AFM: variants seen among roughly 807,000 people sequenced by gnomAD.
AFM encodes alpha-Alb.
AFM carries 82 observed loss-of-function variants against 68.7 expected under a neutral mutation model. That is an observed-to-expected ratio of 1.19 (90% CI 1.00 to 1.43). The LOEUF (loss-of-function observed/expected upper bound fraction) is 1.43, where lower values mean the gene tolerates loss of function less well. Ranked by LOEUF, AFM falls within the 40% of genes most tolerant of loss-of-function variation. The pLI is 0.00. For missense variants in AFM, 772 were observed against 701.8 expected (o/e 1.10, Z -1.13); for synonymous variants, 250 against 234.2 (o/e 1.07, Z -0.61).
chr4:73,495,424 C>T lies in AFM; in HGVS notation c.1183C>T (p.Arg395Cys), dbSNP rs1444442092. 5 of 1,609,704 alleles carry T rather than the reference C, an allele frequency of 3.1e-6. No individual in the cohort carries two copies. Among genetic ancestry groups the T allele is most frequent in the Middle Eastern group, 1.6e-4 (1 of 6,070 alleles). ...CNTENPPGCY[R>C]YAEDKFNETT... ...CACAGAAAACCCTCCAGGTTGTTAC[C>T]GTTACGCGGTAGGTTCCATTGTTGT... is the stretch of plus-strand genomic sequence containing the variant. The change falls in exon 9 of 15, where the codon CGT (arginine) becomes TGT (cysteine). Residue 395 changes from arginine to cysteine, a missense_variant. By Grantham distance (180) the Arg-to-Cys change is radical. Transcript: ENST00000226355.
chr4:73,503,780 A>G (rs1721478823), intron 14 of AFM, 96 bp from the exon 15 acceptor site: 1 of 152,146 alleles, frequency 6.6e-6, no homozygotes, highest in African/African-American at 2.4e-5. Context: ...AAACACGGTT[A>G]CCACTAATAG....
At chr4:73,486,497 G>T (rs1301949573) in intron 4 of AFM, among the ~76,000 whole-genome samples, 1 of 152,078 alleles carries the variant, frequency 6.6e-6, no homozygotes, top group Non-Finnish European at 1.5e-5. Context: ...CTGGAAGGTT[G>T]GTATGCTCCT....
intron 7 of AFM, 27 bp downstream of exon 7, chr4:73,488,786 A>G: frequency 6.3e-7 from 1 of 1,581,244 alleles, no homozygotes; most frequent in Non-Finnish European, 8.6e-7. Flanking sequence ...ACCAAGTTAA[A>G]ATAGTGATTT....
rs559777779 is a variant in AFM at position 73,490,663 on chromosome 4, G to A, written c.844-1209G>A. ...TATGTTTTATAATGTGAAATCTAAG[G>A]TACTGAATTAGGATATAATTATAGA... On this transcript the variant is annotated intron_variant, in intron 7 of 14. Coordinates refer to ENST00000226355, the MANE Select transcript of AFM (RefSeq NM_001133.2). Among the ~76,000 whole-genome samples the A allele has an allele frequency of 1.4e-3, 211 of 152,166 alleles. 2 individuals carry two copies. The highest frequency in any genetic ancestry group is 2.7e-3 in the Non-Finnish European group (182 of 68,004).
chr4:73,496,057 C>T (rs1721244573), intron 9 of AFM, among the ~76,000 whole-genome samples: 1 of 152,080 alleles, frequency 6.6e-6, no homozygotes, highest in Non-Finnish European at 1.5e-5. Flanking sequence ...ATAAATTGTG[C>T]TTCCTTGGTT....
chr4:73,482,247 C>T (rs1720735726), intron 1 of AFM, among the ~76,000 whole-genome samples: 1 of 152,214 alleles, frequency 6.6e-6, no homozygotes. Flanking sequence ...CAACATATTT[C>T]CCAACTATAT....
intron 11 of AFM, among the ~76,000 whole-genome samples, chr4:73,499,708 C>T (rs561567223): frequency 4.3e-4 from 65 of 152,092 alleles, no homozygotes; most frequent in Non-Finnish European, 5.9e-4. Flanking sequence ...TGTTTGATCG[C>T]CCCTTTCAGT....
Position 73,484,309 on chromosome 4 carries a change from G to T in AFM, c.189G>T (p.Met63Ile). 2 of 1,613,450 alleles carry T rather than the reference G, an allele frequency of 1.2e-6. No individual in the cohort carries two copies. The highest frequency in any genetic ancestry group is 8.5e-7 in the Non-Finnish European group (1 of 1,179,762). Residue 63 changes from methionine to isoleucine, a missense_variant, in exon 3 of 15, where the codon ATG (methionine) becomes ATT (isoleucine). Physicochemically the swap from Met to Ile is conservative, Grantham distance 10. Transcript: ENST00000226355. ...TTCAGGAAGCAACCTTTGAAGAAAT[G>T]GAAAAGCTGGTGAAAGACATGGTAG... The part of the protein sequence containing the change: ...QYVQEATFEE[M>I]EKLVKDMVEY...
intron 3 of AFM, 61 bp downstream of exon 3, chr4:73,484,451 T>TTTCC: frequency 3.0e-6 from 1 of 332,638 alleles, no homozygotes; most frequent in Non-Finnish European, 5.3e-6. Flanking sequence ...TCTTTCTTTC[T>TTTCC]TTCTTTCTTT....
At position 73,486,150 on chromosome 4, in the gene AFM, A is replaced by G. The variant is rs182367218; in HGVS notation, c.482+77A>G. On this transcript the variant is annotated intron_variant, in intron 4 of 14. Coordinates refer to ENST00000226355, the MANE Select transcript of AFM (RefSeq NM_001133.2). ...TGAATCTAATATCTATCTCAAATAAATATGGCTGGGTTCATTAATTTATTG... is the reference window on the plus strand; with the variant it reads ...TGAATCTAATATCTATCTCAAATAAGTATGGCTGGGTTCATTAATTTATTG... 213 of 1,196,554 alleles carry G rather than the reference A, an allele frequency of 1.8e-4. 1 individual carries two copies. In the Admixed American group the frequency reaches 4.5e-3, roughly 25 times the overall value. The allele number at this position is 1,196,554 out of a possible 1,614,324, so 74.1% of individuals were successfully genotyped here. A position where few individuals can be genotyped will look rare whatever the true frequency, so the allele number is the denominator to read the frequency against.
Position 73,503,111 on chromosome 4 carries a change from G to GTAA in AFM, c.*40+4_*40+6dup. ...ATATGTAAAGAAAAAAGCACCAAAGGTAATACCCTCTGCCTCATTCAAATG... is the reference window on the plus strand; with the variant it reads ...ATATGTAAAGAAAAAAGCACCAAAGGTAATAATACCCTCTGCCTCATTCAAATG... On this transcript the variant is annotated splice_donor_variant, in intron 14 of 14. Coordinates refer to ENST00000226355, the MANE Select transcript of AFM (RefSeq NM_001133.2). LOFTEE classifies it low-confidence loss of function (3UTR_SPLICE). The GTAA allele has an allele frequency of 6.2e-7, 1 of 1,605,888 alleles. No homozygotes were observed. Among genetic ancestry groups the GTAA allele is most frequent in the Non-Finnish European group, 8.5e-7 (1 of 1,172,946 alleles).
intron 8 of AFM, among the ~76,000 whole-genome samples, chr4:73,492,493 C>T (rs1398439852): frequency 6.6e-6 from 1 of 152,158 alleles, no homozygotes; most frequent in African/African-American, 2.4e-5. Flanking sequence ...GAAGCCTGGC[C>T]TAGCAAGTTG....
chr4:73,497,424 GATA>G (rs2149346274), intron 9 of AFM, among the ~76,000 whole-genome samples: 1 of 152,124 alleles, frequency 6.6e-6, no homozygotes, highest in East Asian at 1.9e-4. Context: ...TGTACAAGGT[GATA>G]ATAAAAAAAT....
intron 1 of AFM, 47 bp downstream of exon 1, chr4:73,481,910 A>T: frequency 7.6e-7 from 1 of 1,316,008 alleles, no homozygotes; most frequent in Non-Finnish European, 1.1e-6. Context: ...CAGTTAGGAT[A>T]ATTTCTATTT....
At chr4:73,492,318 C>T (rs1721095372) in intron 8 of AFM, among the ~76,000 whole-genome samples, 2 of 152,160 alleles carry the variant, frequency 1.3e-5, no homozygotes, top group African/African-American at 4.8e-5. Context: ...ATATGCCAGT[C>T]ATGGGACTAT....
rs750996125 is a variant in AFM, at chr4:73,501,772, A to G, written c.1647-15A>G. On this transcript the variant is annotated splice_polypyrimidine_tract_variant and intron_variant, in intron 12 of 14. Coordinates refer to ENST00000226355, the MANE Select transcript of AFM (RefSeq NM_001133.2). ...AAAGCGTTAATTAATTTTATTTGAC[A>G]TCTTTTGGCCACAGGTTTCTTGTCA... 7 of 1,605,994 alleles carry G rather than the reference A, an allele frequency of 4.4e-6. No homozygotes were observed. The highest frequency in any genetic ancestry group is 5.9e-6 in the Non-Finnish European group (7 of 1,176,516).
chr4:73,501,621 A>T (rs1721425932), intron 12 of AFM, among the ~76,000 whole-genome samples, 166 bp from the exon 13 acceptor site: 1 of 152,028 alleles, frequency 6.6e-6, no homozygotes, highest in Non-Finnish European at 1.5e-5. Context: ...CCATTCTCTA[A>T]ATTTAATAGG....
intron 1 of AFM, among the ~76,000 whole-genome samples, chr4:73,483,534 C>A (rs1375474789): frequency 2.0e-5 from 3 of 152,208 alleles, no homozygotes; most frequent in Admixed American, 2.0e-4. Flanking sequence ...ATGCTGACCA[C>A]CAGCATGCTA....
Position 73,483,951 on chromosome 4 carries a change from T to C in AFM, c.99T>C (p.Asn33=), listed in dbSNP as rs752012336. The C allele has an allele frequency of 1.3e-6, 2 of 1,530,440 alleles. No homozygotes were observed. The highest frequency in any genetic ancestry group is 8.9e-7 in the Non-Finnish European group (1 of 1,119,722). The allele number at this position is 1,530,440 out of a possible 1,614,324, so 94.8% of individuals were successfully genotyped here. A position where few individuals can be genotyped will look rare whatever the true frequency, so the allele number is the denominator to read the frequency against. The change falls in exon 2 of 15, where the codon AAT becomes AAC. Residue 33 remains asparagine (N), a synonymous_variant. Transcript: ENST00000226355. ...PTQPRDIENF[N]STQKFIEDNI... The stretch of plus-strand genomic sequence containing the variant: ...ATTCTTGCTTTTCAGAGAACTTCAA[T>C]AGTACTCAAAAATTTATAGAAGATA...
Sources: gnomAD v4.1 joint callset for allele counts (sites outside exome capture counted in the v4.1 genomes callset) on GRCh38, gnomAD v4.1.1 for gene constraint, MANE v1.5 for transcripts, NCBI Gene and HGNC (gene_info 2026-07-23, HGNC 2026-07-21) for gene names.